Variants in CD22 observed in about 807,000 individuals in gnomAD.
CD22 encodes CD22 molecule.
Under a neutral mutation model 94.7 loss-of-function variants are expected in CD22, and 51 were observed. The ratio of observed to expected loss-of-function variants is 0.54; its 90% CI spans 0.43 to 0.68. The LOEUF is 0.68. Among genes scored for constraint, CD22 ranks in the 30% least tolerant of loss-of-function variants. CD22 has a pLI of 0.00. For synonymous variants in CD22, 424 were observed against 422.5 expected, an observed-to-expected ratio of 1.00 and a Z score of -0.04; for missense variants, 931 against 1,060.4, an observed-to-expected ratio of 0.88 and a Z score of 1.69.
At position 35,336,290 on chromosome 19, in the gene CD22, G is replaced by T. The variant is rs1456062033; in HGVS notation, c.667G>T (p.Asp223Tyr). 1.2e-6 allele frequency: 2 copies of T among 1,614,226 alleles called. No individual in the cohort carries two copies. Among genetic ancestry groups the T allele is most frequent in the Admixed American group, 1.7e-5 (1 of 60,028 alleles). ...HGKIVTCQLQ[D>Y]ADGKFLSNDT... ...GAAGATTGTGACCTGCCAGCTTCAG[G>T]ATGCAGATGGGAAGTTCCTCTCCAA... Residue 223 changes from aspartate to tyrosine, a missense_variant, in exon 4 of 14, where the codon GAT becomes TAT. Transcript: ENST00000085219.
At chr19:35,331,014 C>CG (rs1355879641) in intron 1 of CD22, 5 of 152,082 alleles carry the variant, frequency 3.3e-5, no homozygotes, top group Admixed American at 2.6e-4. Context: ...TTCTACTTCC[C>CG]GGGTTCAAGC....
rs369338988 is a variant in CD22, at chr19:35,341,162, G to A, written c.1507+24G>A. 7 of 1,612,682 alleles carry A rather than the reference G, an allele frequency of 4.3e-6. No individual in the cohort carries two copies. The African/African-American group carries it at 8.0e-5, about 18-fold the overall frequency. On this transcript the variant is annotated intron_variant, in intron 7 of 13. Transcript: ENST00000085219. This position sits in a 1 kb window ranked among gnomAD's most constrained non-coding sequence, Gnocchi z 4.0. The stretch of plus-strand genomic sequence containing the variant: ...GTGTGAGTCCCTGGGCTAGGCAGGG[G>A]GATCTGGGAGGTGGCCCGGCTGGGA...
At chr19:35,336,544 G>A in intron 4 of CD22, 1 of 568,208 alleles carries the variant, frequency 1.8e-6, no homozygotes, top group Non-Finnish European at 3.1e-6. Context: ...CCATCCTCAA[G>A]CCATGACATG....
rs2066758543 is a variant in CD22 at position 35,338,492 on chromosome 19, G to A, written c.1249+61G>A. Reference sequence around the variant, plus strand: ...AAGATGGACACAGGGAACGGGGAAGGCAGATGGGGTGCAGGGCATTCCGGG... The same window carrying A: ...AAGATGGACACAGGGAACGGGGAAGACAGATGGGGTGCAGGGCATTCCGGG... On this transcript the variant is annotated intron_variant, in intron 6 of 13. Transcript: ENST00000085219. The A allele has an allele frequency of 5.2e-6, 8 of 1,551,936 alleles. No homozygotes were observed. The Admixed American group carries it at 1.4e-4, about 28-fold the overall frequency.
chr19:35,344,917 C>T lies in CD22; in HGVS notation c.2124C>T (p.Leu708=), dbSNP rs375494334. ...TCCTGGCAATCTGTGGGCTCAAGCT[C>T]CAGCGACGGTGAGCTCCTGCCATCC... ...ILILAICGLK[L]QRRWKRTQSQ... The change falls in exon 10 of 14, where the codon CTC becomes CTT. Residue 708 remains leucine, a synonymous_variant. Transcript: ENST00000085219. 3 of 1,613,732 alleles carry T rather than the reference C, an allele frequency of 1.9e-6. No individual in the cohort carries two copies. In the Middle Eastern group the frequency reaches 5.0e-4, roughly 266 times the overall value.
chr19:35,338,389 G>A lies in CD22; in HGVS notation c.1207G>A (p.Gly403Ser), dbSNP rs763731095. The A allele has an allele frequency of 1.2e-6, 2 of 1,614,034 alleles. No homozygotes were observed. The highest frequency in any genetic ancestry group is 1.7e-6 in the Non-Finnish European group (2 of 1,180,012). Residue 403 changes from glycine (G) to serine (S), a missense_variant, in exon 6 of 14, where the codon GGT becomes AGT. Gly to Ser is a moderately conservative substitution (Grantham distance 56, BLOSUM62 0). Transcript: ENST00000085219. ...TTCCTGTGTGGCAGAAAACATTCTT[G>A]GTACTGGACAGAGGGGCCCGGGAGC... ...TYSCVAENILGTGQRGPGAEL... is the reference protein window; with the variant it reads ...TYSCVAENILSTGQRGPGAEL...
At chr19:35,345,322 G>A in intron 11 of CD22, 196 bp downstream of exon 11, 1 of 587,024 alleles carries the variant, frequency 1.7e-6, no homozygotes, top group Non-Finnish European at 3.0e-6. Context: ...TCGGGAGGCT[G>A]AGGCAGGAGA....
chr19:35,346,310 TC>T, intron 13 of CD22, 75 bp downstream of exon 13: 1 of 1,334,688 alleles, frequency 7.5e-7, no homozygotes, highest in Non-Finnish European at 1.1e-6. Flanking sequence ...CAGTGGTGGG[TC>T]CCACATAGGA....
Position 35,346,999 on chromosome 19 carries a change from C to A in CD22, c.*302C>A, listed in dbSNP as rs148895201. On this transcript the variant is annotated 3_prime_UTR_variant, in exon 14 of 14. Transcript: ENST00000085219. ...TGCACACCTCCCCCTGCCCCCACCA[C>A]GGCCACTGGCCATCTCCACCCCCAG... 4.3e-3 allele frequency: 1,202 copies of A among 277,272 alleles called. 11 individuals are homozygous for A. Among genetic ancestry groups the A allele is most frequent in the South Asian group, 4.8e-3 (85 of 17,870 alleles). 17.2% of individuals were successfully genotyped at this position (277,272 alleles called of 1,614,324 possible). A position where few individuals can be genotyped will look rare whatever the true frequency, so the allele number is the denominator to read the frequency against.
chr19:35,334,621 G>T (rs979106297), intron 3 of CD22, among the ~76,000 whole-genome samples: 16 of 152,174 alleles, frequency 1.1e-4, no homozygotes, highest in African/African-American at 3.9e-4. Context: ...GTCTGAAGGA[G>T]GTGGTCCAGC....
intron 11 of CD22, 142 bp downstream of exon 11, chr19:35,345,268 A>C (rs1322198537): frequency 1.4e-6 from 1 of 703,490 alleles, no homozygotes; most frequent in African/African-American, 1.8e-5. Flanking sequence ...AAATATTTTA[A>C]AAATTAGCCG....
Position 35,346,739 on chromosome 19 carries a change from C to T in CD22, c.*42C>T. On this transcript the variant is annotated 3_prime_UTR_variant, in exon 14 of 14. Coordinates refer to ENST00000085219, the MANE Select transcript of CD22 (RefSeq NM_001771.4). ...GCAGAGGCACTGGGGGCAGCGGGGG[C>T]CAGGGAAGTCCCCGAGTTTCCCCAG... 1 of 1,549,532 alleles carries T rather than the reference C, an allele frequency of 6.5e-7. No individual in the cohort carries two copies. The highest frequency in any genetic ancestry group is 1.4e-5 in the African/African-American group (1 of 73,266).
intron 1 of CD22, among the ~76,000 whole-genome samples, chr19:35,331,458 C>A (rs529103563): frequency 1.3e-4 from 20 of 152,146 alleles, no homozygotes; most frequent in Middle Eastern, 3.4e-3. Context: ...AAAAAGCAAG[C>A]AAGGGAGGAA....
Position 35,340,864 on chromosome 19 carries a change from C to T in CD22, c.1250-17C>T, listed in dbSNP as rs929775820. 1 of 1,613,902 alleles carries T rather than the reference C, an allele frequency of 6.2e-7. No individual in the cohort carries two copies. Among genetic ancestry groups the T allele is most frequent in the African/African-American group, 1.3e-5 (1 of 74,938 alleles). ...ACAGCTGGCTTTTCTTTACTCACCT[C>T]TCTGGTTTTCTTCCAGATCCTCCCA... On this transcript the variant is annotated splice_polypyrimidine_tract_variant and intron_variant, in intron 6 of 13. Coordinates refer to ENST00000085219, the MANE Select transcript of CD22 (RefSeq NM_001771.4).
At chr19:35,331,910 G>A (rs971083284) in intron 1 of CD22, 109 bp from the exon 2 acceptor site, 21 of 1,582,806 alleles carry the variant, frequency 1.3e-5, no homozygotes, top group African/African-American at 2.7e-5. Context: ...AACCAGACCC[G>A]GTCCTCCCGG....
rs1029119476 is a variant in CD22, at chr19:35,333,034, G to A, written c.412+110G>A. ...CAAACCGAGCTTCCTGCAGAGCTCA[G>A]GCAGGGGACGCCAGCGGATGACGAT... is the stretch of plus-strand genomic sequence containing the variant. On this transcript the variant is annotated intron_variant, in intron 3 of 13. Coordinates refer to ENST00000085219, the MANE Select transcript of CD22 (RefSeq NM_001771.4). 18 of 1,172,136 alleles carry A rather than the reference G, an allele frequency of 1.5e-5. No homozygotes were observed. In the East Asian group the frequency reaches 4.0e-4, roughly 26 times the overall value. The allele number at this position is 1,172,136 out of a possible 1,614,324, so 72.6% of individuals were successfully genotyped here. A position where few individuals can be genotyped will look rare whatever the true frequency, so the allele number is the denominator to read the frequency against.
At position 35,335,885 on chromosome 19, in the gene CD22, T is replaced by TAAC. The variant is rs1381800129; in HGVS notation, c.413-145_413-143dup. On this transcript the variant is annotated intron_variant, in intron 3 of 13. Transcript: ENST00000085219. ...AACAACAACACAACAACAACAACAATAACAACAAAAAAACAAAGCAGGACT... is the reference window on the plus strand; with the variant it reads ...AACAACAACACAACAACAACAACAATAACAACAACAAAAAAACAAAGCAGGACT... 9.0e-6 allele frequency: 6 copies of TAAC among 663,246 alleles called. No homozygotes were observed. The East Asian group carries it at 1.6e-4, about 17-fold the overall frequency. The allele number at this position is 663,246 out of a possible 1,614,324, so 41.1% of individuals were successfully genotyped here.
intron 2 of CD22, chr19:35,332,289 A>G: frequency 1.6e-6 from 1 of 643,930 alleles, no homozygotes; most frequent in Non-Finnish European, 2.7e-6. Flanking sequence ...TATTTCTCCC[A>G]CTATCTTCAG....
intron 1 of CD22, 103 bp from the exon 2 acceptor site, chr19:35,331,916 C>T: frequency 6.3e-7 from 1 of 1,592,204 alleles, no homozygotes; most frequent in Non-Finnish European, 8.6e-7. Flanking sequence ...ACCCGGTCCT[C>T]CCGGATCCAG....
Sources: allele counts gnomAD v4.1 joint callset (sites outside exome capture counted in the v4.1 genomes callset), GRCh38; gene constraint gnomAD v4.1.1; non-coding constraint Gnocchi (gnomAD v3.1); transcripts MANE v1.5; gene names NCBI Gene and HGNC (gene_info 2026-07-23, HGNC 2026-07-21).